The following UBE2E2 variants were observed in gnomAD, a reference collection of about 807,000 sequenced individuals.
UBE2E2 encodes ubiquitin-conjugating enzyme E2 E2.
UBE2E2 carries 6 observed loss-of-function variants against 24.7 expected under a neutral mutation model. The ratio of observed to expected loss-of-function variants is 0.24; its 90% CI spans 0.13 to 0.48. The LOEUF (loss-of-function observed/expected upper bound fraction) is 0.48, where lower values mean the gene tolerates loss of function less well. Ranked by LOEUF, UBE2E2 falls within the 20% of genes least tolerant of loss-of-function variation. The pLI is 0.99. For synonymous variants in UBE2E2, 104 were observed against 83.6 expected, an observed-to-expected ratio of 1.24 and a Z score of -1.33; for missense variants, 169 against 245.0, an observed-to-expected ratio of 0.69 and a Z score of 2.07.
At chr3:23,241,663 C>T (rs1445448484) in intron 3 of UBE2E2, among the ~76,000 whole-genome samples, 2 of 152,032 alleles carry the variant, frequency 1.3e-5, no homozygotes, top group Non-Finnish European at 2.9e-5. Context: ...TTTTTCTTTC[C>T]GTAGGAGTTA....
At chr3:23,426,843 T>G (rs1286805363) in intron 3 of UBE2E2, among the ~76,000 whole-genome samples, 2 of 152,112 alleles carry the variant, frequency 1.3e-5, no homozygotes, top group Non-Finnish European at 2.9e-5. Flanking sequence ...AATTTTAAAT[T>G]TTTTATTTTT....
intron 5 of UBE2E2, among the ~76,000 whole-genome samples, chr3:23,540,762 T>C (rs1695380092): frequency 6.6e-6 from 1 of 152,126 alleles, no homozygotes; most frequent in South Asian, 2.1e-4. Flanking sequence ...TTGCCTATGC[T>C]GGACTGTAGT....
At chr3:23,394,126 G>A (rs1368649063) in intron 3 of UBE2E2, among the ~76,000 whole-genome samples, 3 of 152,204 alleles carry the variant, frequency 2.0e-5, no homozygotes, top group Non-Finnish European at 4.4e-5. Flanking sequence ...AGCTTGCTTG[G>A]TTTGGAAAGA....
chr3:23,449,455 A>T (rs78610316), intron 3 of UBE2E2, among the ~76,000 whole-genome samples: 1,865 of 152,310 alleles, frequency 0.012, 41 homozygotes, highest in African/African-American at 0.042. Flanking sequence ...AAAAATTCGG[A>T]TGGGGTAAGA....
intron 3 of UBE2E2, among the ~76,000 whole-genome samples, chr3:23,492,534 T>A (rs759276043): frequency 6.6e-6 from 1 of 152,202 alleles, no homozygotes. Flanking sequence ...CTGTGTAGTA[T>A]GATTAGATTT....
At chr3:23,271,969 C>A (rs1443484878) in intron 3 of UBE2E2, among the ~76,000 whole-genome samples, 1 of 152,232 alleles carries the variant, frequency 6.6e-6, no homozygotes, top group African/African-American at 2.4e-5. Flanking sequence ...CTGGCTTCGC[C>A]TAGTGGATCC....
intron 3 of UBE2E2, among the ~76,000 whole-genome samples, chr3:23,421,123 G>A (rs1194474549): frequency 6.6e-6 from 1 of 152,234 alleles, no homozygotes; most frequent in Non-Finnish European, 1.5e-5. Context: ...CATCTTGTAA[G>A]GATTGTTGTG....
intron 3 of UBE2E2, among the ~76,000 whole-genome samples, chr3:23,496,184 C>T (rs1699597376): frequency 6.6e-6 from 1 of 152,130 alleles, no homozygotes; most frequent in Non-Finnish European, 1.5e-5. Context: ...ACAGTAGGAT[C>T]ACATTGTACA....
At chr3:23,265,802 A>T (rs1305533557) in intron 3 of UBE2E2, among the ~76,000 whole-genome samples, 2 of 152,162 alleles carry the variant, frequency 1.3e-5, no homozygotes, top group Non-Finnish European at 2.9e-5. Context: ...TAGGTCTCTA[A>T]GGACTTGCTT....
chr3:23,254,081 C>G (rs1697650957), intron 3 of UBE2E2, among the ~76,000 whole-genome samples: 1 of 152,222 alleles, frequency 6.6e-6, no homozygotes, highest in African/African-American at 2.4e-5. Flanking sequence ...GACATAACCA[C>G]ATGTTCTGAG....
intron 3 of UBE2E2, among the ~76,000 whole-genome samples, chr3:23,398,594 T>C (rs1053630954): frequency 5.3e-5 from 8 of 152,192 alleles, no homozygotes; most frequent in Non-Finnish European, 1.2e-4. Context: ...ATTAAAGGAA[T>C]GTGTGTCTTA....
chr3:23,460,295 A>G (rs1698779754), intron 3 of UBE2E2, among the ~76,000 whole-genome samples: 1 of 152,228 alleles, frequency 6.6e-6, no homozygotes, highest in African/African-American at 2.4e-5. Context: ...CTGCCAAATC[A>G]CAACTACCTT....
chr3:23,516,500 A>G (rs1296728196), intron 4 of UBE2E2, among the ~76,000 whole-genome samples: 2 of 152,218 alleles, frequency 1.3e-5, no homozygotes, highest in African/African-American at 2.4e-5. Context: ...TTGTTCCTCC[A>G]CTAGGCTCAG....
intron 3 of UBE2E2, among the ~76,000 whole-genome samples, chr3:23,402,740 G>A (rs1214895519): frequency 6.8e-6 from 1 of 147,616 alleles, no homozygotes; most frequent in Admixed American, 6.7e-5. Context: ...TATAGCAGTA[G>A]TACAAAGTCT....
chr3:23,284,284 G>A (rs1336128011), intron 3 of UBE2E2, among the ~76,000 whole-genome samples: 1 of 152,056 alleles, frequency 6.6e-6, no homozygotes, highest in Non-Finnish European at 1.5e-5. Flanking sequence ...AGAAGGCACA[G>A]TATTTAATTT....
At chr3:23,526,254 G>A (rs1294091208) in intron 4 of UBE2E2, among the ~76,000 whole-genome samples, 1 of 152,152 alleles carries the variant, frequency 6.6e-6, no homozygotes, top group East Asian at 1.9e-4. Flanking sequence ...CCTATATGAA[G>A]CCCCTTGTGA....
chr3:23,353,968 G>A (rs1038223120), intron 3 of UBE2E2, among the ~76,000 whole-genome samples: 198 of 152,178 alleles, frequency 1.3e-3, no homozygotes, highest in African/African-American at 4.2e-3. Flanking sequence ...GAGGCATCAC[G>A]CTACCTGACT....
chr3:23,348,244 C>T (rs1695619922), intron 3 of UBE2E2, among the ~76,000 whole-genome samples: 1 of 151,244 alleles, frequency 6.6e-6, no homozygotes, highest in African/African-American at 2.4e-5. Flanking sequence ...TGCATAAATG[C>T]TCCTGCTGCA....
At chr3:23,308,665 TAGTC>T (rs771161739) in intron 3 of UBE2E2, among the ~76,000 whole-genome samples, 2 of 152,172 alleles carry the variant, frequency 1.3e-5, no homozygotes, top group Non-Finnish European at 2.9e-5. Flanking sequence ...CTGAGTGTAT[TAGTC>T]AGGGTTCTCC....
Sources: allele counts gnomAD v4.1 joint callset (sites outside exome capture counted in the v4.1 genomes callset), GRCh38; gene constraint gnomAD v4.1.1; transcripts MANE v1.5; gene names NCBI Gene and HGNC (gene_info 2026-07-23, HGNC 2026-07-21).